Variants in PPP1R9A observed in about 807,000 individuals in gnomAD.
PPP1R9A encodes neurabin-1.
PPP1R9A carries 59 observed loss-of-function variants against 141.9 expected under a neutral mutation model. That is an observed-to-expected ratio of 0.42 (90% CI 0.34 to 0.52). The LOEUF is 0.52. Ranked by LOEUF, PPP1R9A falls within the 20% of genes least tolerant of loss-of-function variation. The pLI, the probability that PPP1R9A is intolerant of heterozygous loss-of-function variation, is 0.10. For missense variants in PPP1R9A, 1,444 were observed against 1,611.9 expected (o/e 0.90, Z 1.78); for synonymous variants, 500 against 569.7 (o/e 0.88, Z 1.74).
At chr7:94,983,393 G>A (rs1453316324) in intron 2 of PPP1R9A, among the ~76,000 whole-genome samples, 1 of 152,074 alleles carries the variant, frequency 6.6e-6, no homozygotes, top group African/African-American at 2.4e-5. Context: ...TGATGGGGAT[G>A]GCATTGAATC....
intron 2 of PPP1R9A, among the ~76,000 whole-genome samples, chr7:95,075,860 G>C (rs769838111): frequency 3.3e-4 from 50 of 152,130 alleles, no homozygotes; most frequent in Middle Eastern, 6.8e-3. Flanking sequence ...TGGAGAGGTA[G>C]CTAGACAAAG....
At chr7:95,023,793 C>T (rs1235363289) in intron 2 of PPP1R9A, among the ~76,000 whole-genome samples, 1 of 152,188 alleles carries the variant, frequency 6.6e-6, no homozygotes, top group Non-Finnish European at 1.5e-5. Context: ...ACCCTGTGAT[C>T]TGCCCGCCTT....
At chr7:95,287,739 G>A (rs550947181) in intron 18 of PPP1R9A, among the ~76,000 whole-genome samples, 16 of 152,240 alleles carry the variant, frequency 1.1e-4, no homozygotes, top group African/African-American at 3.9e-4. Context: ...AGGCTGGAGT[G>A]CAGTGGCACA....
At position 95,150,834 on chromosome 7, in the gene PPP1R9A, G is replaced by A. The variant is rs114217456; in HGVS notation, c.1650-11033G>A. On this transcript the variant is annotated intron_variant, in intron 4 of 19. Transcript: ENST00000433360. ...CTAAATAATAAGAAAACTATAACTT[G>A]ATTTTAAAATGCTCAAAAGACCTGA... 9.7e-3 allele frequency among the ~76,000 whole-genome samples: 1,463 copies of A among 150,118 alleles called. 28 individuals are homozygous for A. The highest frequency in any genetic ancestry group is 0.033 in the African/African-American group (1,375 of 41,394).
chr7:95,244,222 G>A (rs931592093), intron 8 of PPP1R9A, among the ~76,000 whole-genome samples: 2 of 152,120 alleles, frequency 1.3e-5, no homozygotes, highest in African/African-American at 4.8e-5. Flanking sequence ...CTGCTAATTA[G>A]TTCAGTTCCC....
At chr7:95,266,847 C>T (rs938588011) in intron 12 of PPP1R9A, among the ~76,000 whole-genome samples, 3 of 152,100 alleles carry the variant, frequency 2.0e-5, no homozygotes, top group Non-Finnish European at 2.9e-5. Context: ...GACTCTCTCC[C>T]AGTTATCACA....
intron 2 of PPP1R9A, among the ~76,000 whole-genome samples, chr7:95,056,286 A>G (rs1252525202): frequency 6.6e-6 from 1 of 152,038 alleles, no homozygotes; most frequent in Non-Finnish European, 1.5e-5. Flanking sequence ...TGAATTTGGT[A>G]TTTTTCTTGT....
At chr7:94,968,054 C>T (rs570956698) in intron 2 of PPP1R9A, among the ~76,000 whole-genome samples, 30 of 152,262 alleles carry the variant, frequency 2.0e-4, no homozygotes, top group African/African-American at 6.3e-4. Context: ...TAAATCTCTT[C>T]GTAGGTCTCT....
chr7:95,211,539 C>T (rs1213658028), intron 7 of PPP1R9A, among the ~76,000 whole-genome samples: 1 of 152,150 alleles, frequency 6.6e-6, no homozygotes, highest in African/African-American at 2.4e-5. Flanking sequence ...ATGGACATGG[C>T]CACTCTGCTC....
At chr7:95,167,416 A>G (rs145796642) in intron 5 of PPP1R9A, among the ~76,000 whole-genome samples, 171 of 152,334 alleles carry the variant, frequency 1.1e-3, no homozygotes, top group Middle Eastern at 3.4e-3. Context: ...TAAAGGCCAC[A>G]TATGACAAAC....
At chr7:95,068,176 G>A (rs1016492903) in intron 2 of PPP1R9A, among the ~76,000 whole-genome samples, 3 of 152,124 alleles carry the variant, frequency 2.0e-5, no homozygotes, top group African/African-American at 7.2e-5. Flanking sequence ...TGGGAGACAA[G>A]AAGTGACATT....
chr7:94,931,407 C>T lies in PPP1R9A; in HGVS notation c.1395+19899C>T, dbSNP rs984819585. On this transcript the variant is annotated intron_variant, in intron 2 of 19. Transcript: ENST00000433360. ...AGTGTCGTACAGTGGTATTTTGTTTCCGGAAACAGATATCATATTATAAAA... is the reference window on the plus strand; with the variant it reads ...AGTGTCGTACAGTGGTATTTTGTTTTCGGAAACAGATATCATATTATAAAA... 3.9e-5 allele frequency among the ~76,000 whole-genome samples: 6 copies of T among 151,990 alleles called. No homozygotes were observed. In the South Asian group the frequency reaches 1.2e-3, roughly 32 times the overall value.
chr7:95,083,794 T>C (rs1021131106), intron 2 of PPP1R9A, among the ~76,000 whole-genome samples: 1 of 151,848 alleles, frequency 6.6e-6, no homozygotes, highest in Non-Finnish European at 1.5e-5. Context: ...GATGAAAAAA[T>C]ATTTGAAGAA....
chr7:95,149,016 G>A (rs963584386), intron 4 of PPP1R9A, among the ~76,000 whole-genome samples: 3 of 149,656 alleles, frequency 2.0e-5, no homozygotes, highest in South Asian at 2.1e-4. Flanking sequence ...TTAACAAATC[G>A]AGTCCAACAA....
intron 2 of PPP1R9A, among the ~76,000 whole-genome samples, chr7:95,076,113 G>A (rs1814815496): frequency 6.6e-6 from 1 of 152,146 alleles, no homozygotes; most frequent in South Asian, 2.1e-4. Context: ...CTGTTGCCCA[G>A]TCTAGTCTCA....
Position 94,981,624 on chromosome 7 carries a change from A to G in PPP1R9A, c.1395+70116A>G, listed in dbSNP as rs147802627. ...TGTATTACAGATAATTTTCTTTTCAACCTCCAGCTGGTGTTATTTTCAGGT... is the reference window on the plus strand; with the variant it reads ...TGTATTACAGATAATTTTCTTTTCAGCCTCCAGCTGGTGTTATTTTCAGGT... On this transcript the variant is annotated intron_variant, in intron 2 of 19. Coordinates refer to ENST00000433360, the MANE Select transcript of PPP1R9A (RefSeq NM_001166160.2). 1.1e-4 allele frequency among the ~76,000 whole-genome samples: 16 copies of G among 152,018 alleles called. No homozygotes were observed. The East Asian group carries it at 2.7e-3, about 26-fold the overall frequency.
chr7:94,927,774 G>C (rs1005006897), intron 2 of PPP1R9A, among the ~76,000 whole-genome samples: 1 of 152,114 alleles, frequency 6.6e-6, no homozygotes, highest in African/African-American at 2.4e-5. Context: ...TACATAGGGT[G>C]ACCATATATA....
At chr7:95,030,101 G>C (rs1274847362) in intron 2 of PPP1R9A, among the ~76,000 whole-genome samples, 2 of 152,086 alleles carry the variant, frequency 1.3e-5, no homozygotes, top group East Asian at 3.9e-4. Flanking sequence ...AGTTTCTCTA[G>C]GGTACTTCTT....
rs201459738 is a variant in PPP1R9A at position 94,916,808 on chromosome 7, GTTTGTTT to G, written c.1395+5319_1395+5325del. ...ACTTTGATGGTACAACTTTTTTTTT[GTTTGTTT>G]TTTGTTTTTTGTTTTTTGAGAGGGA... On this transcript the variant is annotated intron_variant, in intron 2 of 19. Transcript: ENST00000433360. Among the ~76,000 whole-genome samples the G allele has an allele frequency of 7.1e-3, 1,071 of 151,424 alleles. 22 individuals are homozygous for G. The highest frequency in any genetic ancestry group is 0.032 in the East Asian group (163 of 5,146).
Sources: allele counts gnomAD v4.1 joint callset (sites outside exome capture counted in the v4.1 genomes callset), GRCh38; gene constraint gnomAD v4.1.1; transcripts MANE v1.5; gene names NCBI Gene and HGNC (gene_info 2026-07-23, HGNC 2026-07-21).